Variants in OCLN observed in about 807,000 individuals in gnomAD.
OCLN encodes occludin, also known as phosphatase 1, regulatory subunit 115.
Under a neutral mutation model 47.9 loss-of-function variants are expected in OCLN, and 21 were observed. The ratio of observed to expected loss-of-function variants is 0.44; its 90% CI spans 0.31 to 0.63. The LOEUF (loss-of-function observed/expected upper bound fraction) is 0.63. OCLN is among the 30% of genes least tolerant of loss of function. The probability of loss-of-function intolerance (pLI) is 0.08; values close to 1 mark genes in which losing one functional copy is unlikely to be tolerated. For missense variants in OCLN, 360 were observed against 571.0 expected, an observed-to-expected ratio of 0.63 and a Z score of 3.77; for synonymous variants, 117 against 198.4, an observed-to-expected ratio of 0.59 and a Z score of 3.45.
intron 4 of OCLN, among the ~76,000 whole-genome samples, chr5:69,520,430 A>C (rs1317015997): frequency 6.6e-6 from 1 of 151,120 alleles, no homozygotes; most frequent in Non-Finnish European, 1.5e-5. Context: ...CCTCCCAAGT[A>C]GCTGGGATTA....
At chr5:69,507,261 A>G (rs190502527) in intron 2 of OCLN, among the ~76,000 whole-genome samples, 2 of 152,110 alleles carry the variant, frequency 1.3e-5, no homozygotes, top group African/African-American at 2.4e-5. Flanking sequence ...CAGCCTCCCA[A>G]GTAGATGGGA....
In OCLN at chr5:69,557,317, C is replaced by A. The variant is rs1769977591; in HGVS notation, c.*3646C>A. ...GAGAAATTAACTTAGCCTCTCTGTA[C>A]TTCAGTTTTTTGTATTTGTAAAATA... On this transcript the variant is annotated 3_prime_UTR_variant, in exon 9 of 9. Transcript: ENST00000396442. The A allele has an allele frequency of 1.2e-5, 1 of 85,198 alleles. No homozygotes were observed. 5.3% of individuals were successfully genotyped at this position (85,198 alleles called of 1,614,324 possible).
chr5:69,526,163 GGAGTTTATGATGT>G (rs1769273051), intron 4 of OCLN, among the ~76,000 whole-genome samples: 1 of 152,164 alleles, frequency 6.6e-6, no homozygotes, highest in South Asian at 2.1e-4. Flanking sequence ...CTCCCACCCT[GGAGTTTATGATGT>G]GTGCGCTAGG....
At chr5:69,525,116 T>C (rs184749959) in intron 4 of OCLN, among the ~76,000 whole-genome samples, 61 of 152,178 alleles carry the variant, frequency 4.0e-4, no homozygotes, top group African/African-American at 9.4e-4. Flanking sequence ...CTTTTCTTTT[T>C]TTTTTTGAGA....
At chr5:69,499,090 A>AT (rs534239371) in intron 1 of OCLN, among the ~76,000 whole-genome samples, 2 of 152,006 alleles carry the variant, frequency 1.3e-5, no homozygotes, top group Non-Finnish European at 2.9e-5. Context: ...ATTGTTTATT[A>AT]TTTTTTTAGA....
intron 4 of OCLN, among the ~76,000 whole-genome samples, chr5:69,519,850 A>C (rs1324988848): frequency 1.3e-5 from 2 of 152,156 alleles, no homozygotes; most frequent in African/African-American, 4.8e-5. Context: ...TGGGTTTTGC[A>C]TTCCGCCAAT....
At chr5:69,520,995 A>G (rs940776307) in intron 4 of OCLN, among the ~76,000 whole-genome samples, 2 of 152,056 alleles carry the variant, frequency 1.3e-5, no homozygotes, top group African/African-American at 2.4e-5. Flanking sequence ...TTACAGGCAC[A>G]TGCCACCACG....
intron 1 of OCLN, among the ~76,000 whole-genome samples, chr5:69,499,592 T>TC (rs1051228473): frequency 1.3e-5 from 2 of 152,168 alleles, no homozygotes; most frequent in Non-Finnish European, 1.5e-5. Flanking sequence ...TTTTTTTCTT[T>TC]CTTTTTTTTT....
At chr5:69,511,241 ATT>A (rs56327483) in intron 3 of OCLN, among the ~76,000 whole-genome samples, 3 of 142,700 alleles carry the variant, frequency 2.1e-5, no homozygotes, top group African/African-American at 5.2e-5. Context: ...CGCCCAGCTA[ATT>A]TTTTTTTTTT....
Position 69,504,277 on chromosome 5 carries a change from T to G in OCLN, c.33T>G (p.Pro11=), listed in dbSNP as rs1470795842. Residue 11 remains proline (P), a synonymous_variant, in exon 2 of 9, where the codon CCT becomes CCG. Coordinates refer to ENST00000396442, the MANE Select transcript of OCLN (RefSeq NM_001205254.2). ...CCAGGCCTCTTGAAAGTCCACCTCC[T>G]TACAGGCCTGATGAATTGTAAGTAA... MSSRPLESPP[P]YRPDEFKPNH... is the part of the protein sequence containing the mutation. 5 of 1,602,912 alleles carry G rather than the reference T, an allele frequency of 3.1e-6. No homozygotes were observed. The African/African-American group carries it at 6.7e-5, about 21-fold the overall frequency.
rs967307316 is a variant in OCLN, at chr5:69,511,076, AT to A, written c.729+1267del. Among the ~76,000 whole-genome samples, 748 of 147,956 alleles carry A rather than the reference AT, an allele frequency of 5.1e-3. 3 individuals carry two copies. The highest frequency in any genetic ancestry group is 0.017 in the African/African-American group (685 of 40,450). ...GAGAAATGGCTGTTTAGACTTGTCC[AT>A]TTTTTTTTTCTTTTTGAGACGGAGT... On this transcript the variant is annotated intron_variant, in intron 3 of 8. Transcript: ENST00000396442.
chr5:69,519,210 TG>T (rs1157038122), intron 4 of OCLN, among the ~76,000 whole-genome samples: 1 of 152,182 alleles, frequency 6.6e-6, no homozygotes, highest in African/African-American at 2.4e-5. Context: ...CCCTACAGAT[TG>T]GGGTCGGTCT....
chr5:69,520,361 C>T (rs1405264175), intron 4 of OCLN, among the ~76,000 whole-genome samples: 1 of 149,944 alleles, frequency 6.7e-6, no homozygotes, highest in Non-Finnish European at 1.5e-5. Context: ...AGCGCAGTGG[C>T]ACTATCTCGG....
chr5:69,492,550 C>T (rs1268220665), upstream of OCLN: 2 of 152,274 alleles, frequency 1.3e-5, no homozygotes, highest in African/African-American at 4.8e-5. Context: ...GGCCGACACA[C>T]CACACCTACA....
intron 7 of OCLN, among the ~76,000 whole-genome samples, chr5:69,550,511 A>G (rs1769838475): frequency 1.3e-5 from 2 of 150,762 alleles, no homozygotes; most frequent in East Asian, 3.9e-4. Context: ...AACTAAAACT[A>G]ATTCCAGAAT....
rs1768174275 is a variant in OCLN, at chr5:69,492,803, G to A, written c.-166G>A. The A allele has an allele frequency of 1.3e-5, 2 of 152,544 alleles. No individual in the cohort carries two copies. Among genetic ancestry groups the A allele is most frequent in the Admixed American group, 6.5e-5 (1 of 15,294 alleles). 9.4% of individuals were successfully genotyped at this position (152,544 alleles called of 1,614,324 possible). A position where few individuals can be genotyped will look rare whatever the true frequency, so the allele number is the denominator to read the frequency against. On this transcript the variant is annotated 5_prime_UTR_variant, in exon 1 of 9. Coordinates refer to ENST00000396442, the MANE Select transcript of OCLN (RefSeq NM_001205254.2). ...CGTCCCCAGCCCAGTCCCCGGCTGAGCGCTGGCGGTCGGTGCGGCGTCAGG... is the reference window on the plus strand; with the variant it reads ...CGTCCCCAGCCCAGTCCCCGGCTGAACGCTGGCGGTCGGTGCGGCGTCAGG...
At chr5:69,550,875 G>GA (rs1488975186) in intron 7 of OCLN, among the ~76,000 whole-genome samples, 3 of 22,460 alleles carry the variant, frequency 1.3e-4, no homozygotes, top group East Asian at 1.5e-3. Context: ...TATATTTTAA[G>GA]AAAAAAAACC....
At chr5:69,499,572 T>C (rs1768396635) in intron 1 of OCLN, among the ~76,000 whole-genome samples, 1 of 152,026 alleles carries the variant, frequency 6.6e-6, no homozygotes, top group Admixed American at 6.6e-5. Flanking sequence ...TTGAAGACTT[T>C]TTCTTGTGGT....
intron 2 of OCLN, among the ~76,000 whole-genome samples, chr5:69,508,468 G>A (rs187274409): frequency 2.6e-5 from 4 of 152,184 alleles, no homozygotes; most frequent in Non-Finnish European, 4.4e-5. Flanking sequence ...AGCCTCCTGA[G>A]TAGCTGGGAT....
Sources: allele counts gnomAD v4.1 joint callset (sites outside exome capture counted in the v4.1 genomes callset), GRCh38; gene constraint gnomAD v4.1.1; transcripts MANE v1.5; gene names NCBI Gene and HGNC (gene_info 2026-07-23, HGNC 2026-07-21).